ARHGAP6: variants seen among roughly 807,000 people sequenced by gnomAD.
ARHGAP6 encodes rho GTPase-activating protein 6.
In ARHGAP6, 16 loss-of-function variants were observed where a neutral mutation model predicts 55.7. The ratio of observed to expected loss-of-function variants is 0.29; its 90% CI spans 0.19 to 0.44. The LOEUF is 0.44. ARHGAP6 is among the 20% of genes least tolerant of loss of function. The pLI, the probability that ARHGAP6 is intolerant of heterozygous loss-of-function variation, is 1.00. For synonymous variants in ARHGAP6, 382 were observed against 360.9 expected, an observed-to-expected ratio of 1.06 and a Z score of -0.66; for missense variants, 698 against 808.9, an observed-to-expected ratio of 0.86 and a Z score of 1.66.
Position 11,139,486 on chromosome X carries a change from G to A in ARHGAP6, c.2302C>T (p.Pro768Ser). ...IFESSSLRAG[P>S]CSLSQGNLSP... is the part of the protein sequence containing the mutation. ...AGGTTCCCTTGAGAAAGGGAGCAGG[G>A]CCCCGCTCTTAGGGAGCTGCTTTCA... is the stretch of plus-strand genomic sequence containing the variant. The change falls in exon 13 of 13, where the codon CCC becomes TCC. Residue 768 changes from proline to serine, a missense_variant. By Grantham distance (74) the Pro-to-Ser change is moderately conservative. Around this residue, in one of 3 missense-constraint regions of ARHGAP6, gnomAD observed 212 missense variants for 208.7 expected, o/e 1.02. Transcript: ENST00000337414. 1 of 1,158,591 alleles carries A rather than the reference G, an allele frequency of 8.6e-7. No individual in the cohort carries two copies. Among genetic ancestry groups the A allele is most frequent in the Non-Finnish European group, 1.1e-6 (1 of 872,916 alleles).
chrX:11,459,725 C>G (rs889777869), intron 1 of ARHGAP6, among the ~76,000 whole-genome samples: 1 of 111,502 alleles, frequency 9.0e-6, no homozygotes, highest in Admixed American at 9.5e-5. Context: ...TTCATTCACC[C>G]CAATTACCCT....
At chrX:11,657,697 TC>T (rs1178835426) in intron 1 of ARHGAP6, among the ~76,000 whole-genome samples, 2 of 109,707 alleles carry the variant, frequency 1.8e-5, no homozygotes, top group African/African-American at 6.6e-5. Context: ...GTGAGGAGTC[TC>T]CCCCAGAGGG....
chrX:11,474,430 C>T (rs2050382810), intron 1 of ARHGAP6, among the ~76,000 whole-genome samples: 1 of 112,120 alleles, frequency 8.9e-6, no homozygotes, highest in Non-Finnish European at 1.9e-5. Flanking sequence ...TGGACCAAGG[C>T]ATTGTAACTC....
intron 2 of ARHGAP6, among the ~76,000 whole-genome samples, chrX:11,216,268 G>A (rs1305793542): frequency 9.0e-6 from 1 of 111,018 alleles, no homozygotes; most frequent in Admixed American, 9.6e-5. Flanking sequence ...GATAAGCAGC[G>A]GAAAAGAGAC....
At chrX:11,251,122 T>C (rs977274341) in intron 2 of ARHGAP6, among the ~76,000 whole-genome samples, 1 of 111,780 alleles carries the variant, frequency 8.9e-6, no homozygotes, top group African/African-American at 3.3e-5. Flanking sequence ...TCCTGTGACA[T>C]TGCTGGCCCG....
chrX:11,608,425 C>T (rs2052060968), intron 1 of ARHGAP6, among the ~76,000 whole-genome samples: 1 of 111,512 alleles, frequency 9.0e-6, no homozygotes, highest in Non-Finnish European at 1.9e-5. Flanking sequence ...TCTGTCACCA[C>T]CATCATCAAT....
At chrX:11,427,720 G>T (rs192498631) in intron 1 of ARHGAP6, 1 of 790,842 alleles carries the variant, frequency 1.3e-6, no homozygotes, top group Non-Finnish European at 1.5e-6. Flanking sequence ...CGTGCGTGCC[G>T]AGTGCTGTGC....
intron 1 of ARHGAP6, among the ~76,000 whole-genome samples, chrX:11,625,286 AGTGTGTGTGTGTGT>A (rs56128798): frequency 1.0e-5 from 1 of 98,023 alleles, no homozygotes; most frequent in African/African-American, 3.6e-5. Context: ...GAAAATGTGG[AGTGTGTGTGTGTGT>A]GTGTGTGTGT....
At chrX:11,657,845 T>C in intron 1 of ARHGAP6, among the ~76,000 whole-genome samples, 1 of 111,478 alleles carries the variant, frequency 9.0e-6, no homozygotes, top group East Asian at 2.8e-4. Context: ...GAAACCAAGA[T>C]TCTCTGTGTG....
At chrX:11,356,345 G>A (rs1423668071) in intron 1 of ARHGAP6, among the ~76,000 whole-genome samples, 1 of 111,312 alleles carries the variant, frequency 9.0e-6, no homozygotes, top group Non-Finnish European at 1.9e-5. Context: ...CAGGTTGGTA[G>A]ATGCAGCAAA....
chrX:11,625,878 AC>A (rs1235225078), intron 1 of ARHGAP6, among the ~76,000 whole-genome samples: 1 of 112,094 alleles, frequency 8.9e-6, no homozygotes, highest in East Asian at 2.8e-4. Flanking sequence ...TCCAATAACT[AC>A]TGAAATTTTG....
At chrX:11,477,232 T>C (rs1246851652) in intron 1 of ARHGAP6, among the ~76,000 whole-genome samples, 1 of 110,727 alleles carries the variant, frequency 9.0e-6, no homozygotes, top group Non-Finnish European at 1.9e-5. Flanking sequence ...AATAAATGGC[T>C]GATAGGCACA....
intron 1 of ARHGAP6, among the ~76,000 whole-genome samples, chrX:11,339,592 C>A (rs952513898): frequency 4.5e-5 from 5 of 110,619 alleles, no homozygotes; most frequent in African/African-American, 1.3e-4. Context: ...GTTAATAATA[C>A]AGATTTTATA....
intron 1 of ARHGAP6, among the ~76,000 whole-genome samples, chrX:11,279,711 C>T (rs1012506021): frequency 1.7e-4 from 19 of 110,844 alleles, no homozygotes; most frequent in African/African-American, 6.2e-4. Context: ...TAACAACTTT[C>T]GACACTTATT....
chrX:11,268,296 T>C (rs1418137186), intron 1 of ARHGAP6, among the ~76,000 whole-genome samples: 3 of 112,061 alleles, frequency 2.7e-5, no homozygotes, highest in Non-Finnish European at 5.6e-5. Flanking sequence ...CCAAATTCCT[T>C]AGCCTGGTAT....
chrX:11,464,788 T>G (rs1244499833), intron 1 of ARHGAP6, among the ~76,000 whole-genome samples: 1 of 112,324 alleles, frequency 8.9e-6, no homozygotes, highest in Non-Finnish European at 1.9e-5. Flanking sequence ...TGTCTTCCAT[T>G]TCTTCTACCA....
chrX:11,293,048 G>C (rs992993800), intron 1 of ARHGAP6, among the ~76,000 whole-genome samples: 3 of 112,428 alleles, frequency 2.7e-5, no homozygotes, highest in Non-Finnish European at 5.6e-5. Context: ...GATTACACTA[G>C]AGAATCTCAA....
chrX:11,398,541 T>C (rs1052381842), intron 1 of ARHGAP6, among the ~76,000 whole-genome samples: 1 of 111,890 alleles, frequency 8.9e-6, no homozygotes, highest in African/African-American at 3.2e-5. Context: ...TTTTCCTAGA[T>C]ATAAGAAATT....
intron 12 of ARHGAP6, 56 bp from the exon 13 acceptor site, chrX:11,139,586 G>A (rs938707539): frequency 9.3e-7 from 1 of 1,077,832 alleles, no homozygotes; most frequent in African/African-American, 1.9e-5. Flanking sequence ...ATCCTTGCTG[G>A]GGATTCAAAT....
Sources: allele counts gnomAD v4.1 joint callset (sites outside exome capture counted in the v4.1 genomes callset), GRCh38; gene constraint gnomAD v4.1.1; regional missense constraint gnomAD v4.1.1; transcripts MANE v1.5; gene names NCBI Gene and HGNC (gene_info 2026-07-23, HGNC 2026-07-21).